TULP4: variants seen among roughly 807,000 people sequenced by gnomAD.
TULP4 encodes the protein TUB like protein 4.
Under a neutral mutation model 129.0 loss-of-function variants are expected in TULP4, and 16 were observed. That is an observed-to-expected ratio of 0.12 (90% CI 0.08 to 0.19). The LOEUF is 0.19. Among genes scored for constraint, TULP4 ranks in the 10% least tolerant of loss-of-function variants. The probability of loss-of-function intolerance (pLI) is 1.00; values close to 1 mark genes in which losing one functional copy is unlikely to be tolerated. For missense variants in TULP4, 1,842 were observed against 2,059.1 expected (o/e 0.89, Z 2.04); for synonymous variants, 998 against 854.0 (o/e 1.17, Z -2.94).
chr6:158,379,828 G>C (rs1336128736), intron 1 of TULP4, among the ~76,000 whole-genome samples: 1 of 152,170 alleles, frequency 6.6e-6, no homozygotes, highest in Non-Finnish European at 1.5e-5. Flanking sequence ...TGAGATCCCT[G>C]TTTGACATTG....
chr6:158,426,192 T>G (rs1341395571), intron 2 of TULP4, among the ~76,000 whole-genome samples: 1 of 152,240 alleles, frequency 6.6e-6, no homozygotes, highest in East Asian at 1.9e-4. Flanking sequence ...ACTTTATTGA[T>G]AGTTTCTTTT....
At chr6:158,247,477 C>T (rs1384650151) in intron 1 of TULP4, among the ~76,000 whole-genome samples, 2 of 152,240 alleles carry the variant, frequency 1.3e-5, no homozygotes, top group African/African-American at 2.4e-5. Context: ...TTGAATTCTA[C>T]TTAAATGTTA....
At chr6:158,452,525 A>G (rs1450159300) in intron 5 of TULP4, among the ~76,000 whole-genome samples, 3 of 152,232 alleles carry the variant, frequency 2.0e-5, no homozygotes, top group African/African-American at 4.8e-5. Context: ...TCACTATGAC[A>G]AGAATGATCC....
chr6:158,329,377 C>T (rs1333708947), intron 1 of TULP4, among the ~76,000 whole-genome samples: 2 of 151,150 alleles, frequency 1.3e-5, no homozygotes, highest in Middle Eastern at 3.4e-3. Flanking sequence ...AAGGCAAAAC[C>T]GAGATTTGTA....
intron 1 of TULP4, among the ~76,000 whole-genome samples, chr6:158,295,406 A>T (rs559219155): frequency 1.3e-5 from 2 of 152,312 alleles, no homozygotes; most frequent in African/African-American, 4.8e-5. Flanking sequence ...CCCAGGTCTG[A>T]TGCCTAATGT....
chr6:158,339,115 C>A (rs928350537), intron 1 of TULP4, among the ~76,000 whole-genome samples: 1 of 152,016 alleles, frequency 6.6e-6, no homozygotes. Flanking sequence ...CCCTAAGTGT[C>A]GGCCAGTCTG....
In TULP4 at chr6:158,443,924, T is replaced by C. The variant is rs897089531; in HGVS notation, c.544-5072T>C. The stretch of plus-strand genomic sequence containing the variant: ...TATTCTGAAACCCAACAGGGAGGTC[T>C]TAAAAAATTTTTTGGCCGGGTGCGG... On this transcript the variant is annotated intron_variant, in intron 3 of 13. Coordinates refer to ENST00000367097, the MANE Select transcript of TULP4 (RefSeq NM_020245.5). Among the ~76,000 whole-genome samples, 16 of 152,232 alleles carry C rather than the reference T, an allele frequency of 1.1e-4. No individual in the cohort carries two copies. The East Asian group carries it at 2.9e-3, about 28-fold the overall frequency.
At chr6:158,374,304 A>C (rs922981092) in intron 1 of TULP4, among the ~76,000 whole-genome samples, 12 of 152,116 alleles carry the variant, frequency 7.9e-5, no homozygotes, top group African/African-American at 2.4e-4. Context: ...AAAAAAAAAA[A>C]AAAACAAGAA....
In TULP4 at chr6:158,501,525, G is replaced by T. The variant is rs191471040; in HGVS notation, c.2015-153G>T. 2.0e-4 allele frequency among the ~76,000 whole-genome samples: 31 copies of T among 152,284 alleles called. No individual in the cohort carries two copies. The East Asian group carries it at 5.8e-3, about 29-fold the overall frequency. ...AGAACCCATCTCCCTTGTGCGAGCAGGCCAGCTTTCCCCAAGCAGACACGT... is the reference window on the plus strand; with the variant it reads ...AGAACCCATCTCCCTTGTGCGAGCATGCCAGCTTTCCCCAAGCAGACACGT... On this transcript the variant is annotated intron_variant, in intron 12 of 13. Coordinates refer to ENST00000367097, the MANE Select transcript of TULP4 (RefSeq NM_020245.5).
At chr6:158,234,577 T>TA (rs1310091386) in intron 1 of TULP4, among the ~76,000 whole-genome samples, 1 of 152,224 alleles carries the variant, frequency 6.6e-6, no homozygotes, top group Non-Finnish European at 1.5e-5. Context: ...AGAGTGAAGA[T>TA]AGAGTGGCTC....
chr6:158,388,322 C>CCTTTTT (rs1375374518), intron 1 of TULP4, among the ~76,000 whole-genome samples: 2 of 86,262 alleles, frequency 2.3e-5, no homozygotes, highest in African/African-American at 9.9e-5. Context: ...GCTCGTTTTT[C>CCTTTTT]TTTTTTTTTT....
At chr6:158,476,132 A>G (rs1483450625) in intron 6 of TULP4, among the ~76,000 whole-genome samples, 2 of 152,210 alleles carry the variant, frequency 1.3e-5, no homozygotes, top group African/African-American at 2.4e-5. Flanking sequence ...ATTATGGCAA[A>G]GGTACCAGCG....
At chr6:158,360,978 T>G (rs868105630) in intron 1 of TULP4, among the ~76,000 whole-genome samples, 3 of 152,232 alleles carry the variant, frequency 2.0e-5, no homozygotes, top group African/African-American at 7.2e-5. Flanking sequence ...CTCCTTATTT[T>G]GTTATTCCTG....
Position 158,413,284 on chromosome 6 carries a change from A to G in TULP4, c.381+91A>G, listed in dbSNP as rs868044470. The G allele has an allele frequency of 2.3e-5, 32 of 1,406,214 alleles. No individual in the cohort carries two copies. In the Middle Eastern group the frequency reaches 3.7e-3, roughly 161 times the overall value. The allele number at this position is 1,406,214 out of a possible 1,614,324, so 87.1% of individuals were successfully genotyped here. On this transcript the variant is annotated intron_variant, in intron 2 of 13. Coordinates refer to ENST00000367097, the MANE Select transcript of TULP4 (RefSeq NM_020245.5). This position sits in a 1 kb window ranked among gnomAD's most constrained non-coding sequence, Gnocchi z 4.9. The stretch of plus-strand genomic sequence containing the variant: ...CGGAGCCAGTGCGTTAGCACCACAC[A>G]GCGCCACGTGCTCCAGAGCTGGGGG...
At chr6:158,472,472 TAGAA>T (rs1779709014) in intron 6 of TULP4, among the ~76,000 whole-genome samples, 1 of 152,166 alleles carries the variant, frequency 6.6e-6, no homozygotes, top group African/African-American at 2.4e-5. Flanking sequence ...GCCTCAATAA[TAGAA>T]AGTTAAATAA....
At chr6:158,374,264 A>G (rs1777133984) in intron 1 of TULP4, among the ~76,000 whole-genome samples, 1 of 151,014 alleles carries the variant, frequency 6.6e-6, no homozygotes, top group Non-Finnish European at 1.5e-5. Context: ...TCCAGCCCGA[A>G]TGACAGAGTG....
intron 1 of TULP4, among the ~76,000 whole-genome samples, chr6:158,240,370 C>T (rs1243955196): frequency 2.9e-4 from 21 of 73,460 alleles, no homozygotes; most frequent in African/African-American, 9.7e-4. Flanking sequence ...CCCTCCCGGA[C>T]CGGGCGGCTG....
At chr6:158,374,931 C>T (rs997624270) in intron 1 of TULP4, among the ~76,000 whole-genome samples, 1 of 152,150 alleles carries the variant, frequency 6.6e-6, no homozygotes, top group Non-Finnish European at 1.5e-5. Flanking sequence ...ACTTGCTATG[C>T]TTACCTAAGC....
At chr6:158,393,865 G>C (rs1165216204) in intron 1 of TULP4, among the ~76,000 whole-genome samples, 1 of 152,182 alleles carries the variant, frequency 6.6e-6, no homozygotes, top group Non-Finnish European at 1.5e-5. Context: ...TTAACATTCA[G>C]CTCCTCTTTA....
Sources: gnomAD v4.1 joint callset for allele counts (sites outside exome capture counted in the v4.1 genomes callset) on GRCh38, gnomAD v4.1.1 for gene constraint, Gnocchi (gnomAD v3.1) non-coding constraint, MANE v1.5 for transcripts, NCBI Gene and HGNC (gene_info 2026-07-23, HGNC 2026-07-21) for gene names.